PTPRS: variants seen among roughly 807,000 people sequenced by gnomAD.
PTPRS encodes the protein receptor-type tyrosine-protein phosphatase S.
In PTPRS, 63 loss-of-function variants were observed where a neutral mutation model predicts 215.3. The ratio of observed to expected loss-of-function variants is 0.29; its 90% confidence interval spans 0.24 to 0.36. The LOEUF (loss-of-function observed/expected upper bound fraction) is 0.36, where lower values mean the gene tolerates loss of function less well. Ranked by LOEUF, PTPRS falls within the 10% of genes least tolerant of loss-of-function variation. The pLI is 1.00. For missense variants in PTPRS, 2,258 were observed against 2,825.8 expected (o/e 0.80, Z 4.56); for synonymous variants, 1,404 against 1,191.4 (o/e 1.18, Z -3.68).
At chr19:5,267,010 C>A (rs1340990618) in intron 4 of PTPRS, among the ~76,000 whole-genome samples, 2 of 152,202 alleles carry the variant, frequency 1.3e-5, no homozygotes, top group African/African-American at 4.8e-5. Context: ...ATCTGTGTCA[C>A]CACAGCATCC....
chr19:5,275,439 TGCAGTGGCACG>T lies in PTPRS; in HGVS notation c.92-1106_92-1096del, dbSNP rs2047283342. The stretch of plus-strand genomic sequence containing the variant: ...ATTCACTCTGTCACCCAGGCTGGAG[TGCAGTGGCACG>T]GTCTTGGCTCACTGCAGCCTAGACC... On this transcript the variant is annotated intron_variant, in intron 2 of 37. Transcript: ENST00000262963. Among the ~76,000 whole-genome samples the T allele has an allele frequency of 2.0e-5, 3 of 151,580 alleles. No individual in the cohort carries two copies. The South Asian group carries it at 6.2e-4, about 32-fold the overall frequency.
intron 1 of PTPRS, among the ~76,000 whole-genome samples, chr19:5,331,788 G>A (rs560539707): frequency 1.8e-4 from 27 of 152,284 alleles, no homozygotes; most frequent in South Asian, 1.0e-3. Flanking sequence ...CGGGACAGCC[G>A]GCTTCCTTCT....
At chr19:5,319,433 T>A (rs199498079) in intron 1 of PTPRS, among the ~76,000 whole-genome samples, 3,494 of 145,700 alleles carry the variant, frequency 0.024, 103 homozygotes, top group African/African-American at 0.073. Context: ...TTTTTTTTTT[T>A]AAAAAGCTAT....
intron 1 of PTPRS, among the ~76,000 whole-genome samples, chr19:5,322,892 AAAAAAAAAGAAG>A (rs1334278200): frequency 2.5e-4 from 36 of 144,706 alleles, no homozygotes; most frequent in Non-Finnish European, 4.7e-4. Context: ...AAAAAAAAAA[AAAAAAAAAGAAG>A]AAGAAGAAGA....
rs562155651 is a variant in PTPRS at position 5,228,019 on chromosome 19, C to CACAA, written c.2376+1293_2376+1296dup. On this transcript the variant is annotated intron_variant, in intron 16 of 37. Coordinates refer to ENST00000262963, the MANE Select transcript of PTPRS (RefSeq NM_002850.4). Reference sequence around the variant, plus strand: ...GGGATAAGGAGGGGTGACGGGGATGCACAAACAGGGTCTCCTACCCCTGAG... The same window carrying CACAA: ...GGGATAAGGAGGGGTGACGGGGATGCACAAACAAACAGGGTCTCCTACCCCTGAG... Among the ~76,000 whole-genome samples the CACAA allele has an allele frequency of 2.4e-4, 36 of 152,114 alleles. No homozygotes were observed. The East Asian group carries it at 7.1e-3, about 30-fold the overall frequency.
rs111918827 is a variant in PTPRS, at chr19:5,215,555, C to T, written c.4137G>A (p.Ala1379=). The part of the protein sequence containing the change: ...SHPPIPIADM[A]EHTERLKAND... Reference sequence around the variant, plus strand: ...TGGCCTTGAGCCGCTCCGTGTGCTCCGCCATGTCTGCGATGGGAATTGGCG... The same window carrying T: ...TGGCCTTGAGCCGCTCCGTGTGCTCTGCCATGTCTGCGATGGGAATTGGCG... The change falls in exon 27 of 38, where the codon GCG becomes GCA. Residue 1379 remains alanine, a synonymous_variant. Transcript: ENST00000262963. 308 of 1,611,322 alleles carry T rather than the reference C, an allele frequency of 1.9e-4. 1 individual carries two copies. In the African/African-American group the frequency reaches 3.2e-3, roughly 17 times the overall value.
At chr19:5,214,818 T>C (rs1419968272) in intron 28 of PTPRS, 82 bp from the exon 29 acceptor site, 30 of 1,405,290 alleles carry the variant, frequency 2.1e-5, no homozygotes, top group Non-Finnish European at 2.9e-5. Context: ...TTCCTGGAAG[T>C]TCACTCTGAC....
chr19:5,289,090 C>T lies in PTPRS; in HGVS notation c.-94-2856G>A, dbSNP rs1888501589. 2.6e-5 allele frequency among the ~76,000 whole-genome samples: 4 copies of T among 152,140 alleles called. No homozygotes were observed. In the South Asian group the frequency reaches 8.3e-4, roughly 32 times the overall value. The stretch of plus-strand genomic sequence containing the variant: ...CCCAGGGAGTGGGGTTCAGACACTA[C>T]CAAAGACAAAACATCCCGGGGTCCC... On this transcript the variant is annotated intron_variant, in intron 1 of 37. Transcript: ENST00000262963.
intron 33 of PTPRS, among the ~76,000 whole-genome samples, chr19:5,211,092 C>T (rs994238831): frequency 3.3e-5 from 5 of 152,242 alleles, no homozygotes; most frequent in African/African-American, 1.2e-4. Flanking sequence ...GGCCACTGCC[C>T]TACTTTCAGT....
chr19:5,249,582 C>T (rs1441139092), intron 9 of PTPRS, among the ~76,000 whole-genome samples: 1 of 152,174 alleles, frequency 6.6e-6, no homozygotes, highest in South Asian at 2.1e-4. Context: ...TAGTGAGTAA[C>T]GAGGATTACG....
chr19:5,208,415 T>G, intron 35 of PTPRS, 24 bp from the exon 36 acceptor site: 1 of 1,547,596 alleles, frequency 6.5e-7, no homozygotes, highest in South Asian at 1.2e-5. Context: ...AGCCCAATCT[T>G]GTTATCAGGT....
intron 9 of PTPRS, among the ~76,000 whole-genome samples, chr19:5,251,185 G>A (rs543813218): frequency 3.9e-5 from 6 of 152,158 alleles, no homozygotes; most frequent in African/African-American, 1.2e-4. Flanking sequence ...ACTCCAGCCT[G>A]TAGCCCAAGG....
At chr19:5,331,038 G>A (rs1038956593) in intron 1 of PTPRS, among the ~76,000 whole-genome samples, 11 of 151,458 alleles carry the variant, frequency 7.3e-5, no homozygotes, top group Non-Finnish European at 1.5e-4. Context: ...GTCAGGGAGC[G>A]TGTTGGGTGG....
At chr19:5,314,262 C>A (rs1311765217) in intron 1 of PTPRS, among the ~76,000 whole-genome samples, 1 of 152,170 alleles carries the variant, frequency 6.6e-6, no homozygotes, top group African/African-American at 2.4e-5. Context: ...TCGTGACCTC[C>A]CTGACTTGGA....
At chr19:5,313,950 A>G (rs1227174490) in intron 1 of PTPRS, among the ~76,000 whole-genome samples, 2 of 133,724 alleles carry the variant, frequency 1.5e-5, no homozygotes, top group African/African-American at 5.4e-5. Context: ...AAATAATAAT[A>G]ATAATAATAA....
chr19:5,205,813 G>A lies in PTPRS; in HGVS notation c.*961C>T, dbSNP rs1312078220. ...TCTCCTTGGGGGCGGGAGACGGGGA[G>A]ACAGCTCAGGCTCTCAGAGGAGGAC... On this transcript the variant is annotated 3_prime_UTR_variant, in exon 38 of 38. Coordinates refer to ENST00000262963, the MANE Select transcript of PTPRS (RefSeq NM_002850.4). 6.6e-6 allele frequency among the ~76,000 whole-genome samples: 1 copy of A among 152,098 alleles called. No individual in the cohort carries two copies. The highest frequency in any genetic ancestry group is 1.5e-5 in the Non-Finnish European group (1 of 68,014).
In PTPRS at chr19:5,221,058, C is replaced by T; in HGVS notation, c.3397G>A (p.Asp1133Asn). 6.2e-7 allele frequency: 1 copy of T among 1,613,874 alleles called. No individual in the cohort carries two copies. The highest frequency in any genetic ancestry group is 8.5e-7 in the Non-Finnish European group (1 of 1,179,974). ...NGKPSVAPKPDADGFIMVYLP... is the reference protein window; with the variant it reads ...NGKPSVAPKPNADGFIMVYLP... ...TACACCATGATGAAGCCGTCAGCAT[C>T]AGGCTTGGGGGCGACGCTGGGCTTG... Residue 1133 changes from aspartate (D) to asparagine (N), a missense_variant, in exon 20 of 38, where the codon GAT becomes AAT. Asp to Asn is a conservative substitution (Grantham distance 23, BLOSUM62 1). Transcript: ENST00000262963.
intron 1 of PTPRS, among the ~76,000 whole-genome samples, chr19:5,296,541 G>A (rs1206836012): frequency 6.6e-6 from 1 of 151,956 alleles, no homozygotes; most frequent in Non-Finnish European, 1.5e-5. Flanking sequence ...ATAGGAGAGA[G>A]GGGAGGTGAC....
chr19:5,331,149 A>G (rs968681677), intron 1 of PTPRS, among the ~76,000 whole-genome samples: 6 of 150,928 alleles, frequency 4.0e-5, no homozygotes, highest in Middle Eastern at 3.2e-3. Context: ...AAAAAAAAAA[A>G]AGAGAAGGCC....
Sources: allele counts gnomAD v4.1 joint callset (sites outside exome capture counted in the v4.1 genomes callset), GRCh38; gene constraint gnomAD v4.1.1; transcripts MANE v1.5; gene names NCBI Gene and HGNC (gene_info 2026-07-23, HGNC 2026-07-21).